The following NDE1 variants were observed in gnomAD, a reference collection of about 807,000 sequenced individuals.
NDE1 encodes nudE neurodevelopment protein 1, also known as nuclear distribution protein nudE homolog 1.
In NDE1, 28 loss-of-function variants were observed where a neutral mutation model predicts 43.4. The ratio of observed to expected loss-of-function variants is 0.65; its 90% confidence interval spans 0.48 to 0.89. NDE1 has a LOEUF of 0.89. Ranked by LOEUF, NDE1 falls within the 40% of genes least tolerant of loss-of-function variation. The probability of loss-of-function intolerance (pLI) is 0.00; values close to 1 mark genes in which losing one functional copy is unlikely to be tolerated. For synonymous variants in NDE1, 184 were observed against 172.0 expected (o/e 1.07, Z -0.55); for missense variants, 441 against 434.1 (o/e 1.02, Z -0.14).
In NDE1 at chr16:15,725,654, T is replaced by C. The variant is rs565162254; in HGVS notation, c.*1403T>C. ...TATATGAGGGCGGCAAAAGCCCTGC[T>C]CTCAACTGCATGTGAGAAAAAAACA... On this transcript the variant is annotated 3_prime_UTR_variant, in exon 9 of 9. Coordinates refer to ENST00000396354, the MANE Select transcript of NDE1 (RefSeq NM_017668.3). 5 of 399,820 alleles carry C rather than the reference T, an allele frequency of 1.3e-5. No homozygotes were observed. The highest frequency in any genetic ancestry group is 1.0e-4 in the African/African-American group (5 of 48,752). The allele number at this position is 399,820 out of a possible 1,614,324, so 24.8% of individuals were successfully genotyped here.
At chr16:15,649,040 A>G (rs886913997), upstream of NDE1, among the ~76,000 whole-genome samples, 21 of 151,850 alleles carry the variant, frequency 1.4e-4, 1 homozygote. Flanking sequence ...TACTAAAAAT[A>G]TAAAAATTAG....
At chr16:15,698,588 G>C (rs1376555248) in intron 8 of NDE1, among the ~76,000 whole-genome samples, 4 of 152,144 alleles carry the variant, frequency 2.6e-5, no homozygotes, top group Non-Finnish European at 4.4e-5. Flanking sequence ...GTGCAGTGAA[G>C]TGGCTCACAC....
intron 8 of NDE1, among the ~76,000 whole-genome samples, chr16:15,708,303 C>T (rs573430826): frequency 3.3e-5 from 5 of 152,174 alleles, no homozygotes; most frequent in African/African-American, 4.8e-5. Flanking sequence ...CCGCAGTTAC[C>T]GTGAACTTTG....
intron 8 of NDE1, among the ~76,000 whole-genome samples, chr16:15,723,795 A>G (rs2040605571): frequency 6.6e-6 from 1 of 152,240 alleles, no homozygotes; most frequent in South Asian, 2.1e-4. Context: ...TGGTATTAAA[A>G]GTATAGAAAC....
intron 3 of NDE1, among the ~76,000 whole-genome samples, chr16:15,670,521 G>A (rs1254453540): frequency 1.3e-5 from 2 of 152,118 alleles, no homozygotes; most frequent in East Asian, 1.9e-4. Flanking sequence ...GCTGGGTGTT[G>A]TTGTATGTGC....
intron 3 of NDE1, among the ~76,000 whole-genome samples, chr16:15,668,009 G>A (rs573190062): frequency 2.0e-5 from 3 of 151,110 alleles, no homozygotes; most frequent in Admixed American, 1.3e-4. Flanking sequence ...CTGTTGCCCA[G>A]ACTGGAGTAC....
At position 15,724,301 on chromosome 16, in the gene NDE1, C is replaced by T. The variant is rs760096354; in HGVS notation, c.*50C>T. ...TTATCATAAGCGGCCGCCTTCTCCT[C>T]GTACTGCTGGGTGAGGTTCTCGATC... On this transcript the variant is annotated 3_prime_UTR_variant, in exon 9 of 9. Coordinates refer to ENST00000396354, the MANE Select transcript of NDE1 (RefSeq NM_017668.3). 6.2e-6 allele frequency: 10 copies of T among 1,614,094 alleles called. No homozygotes were observed. Among genetic ancestry groups the T allele is most frequent in the South Asian group, 2.2e-5 (2 of 91,094 alleles).
At chr16:15,663,677 G>C (rs1256937430) in intron 1 of NDE1, among the ~76,000 whole-genome samples, 1 of 152,128 alleles carries the variant, frequency 6.6e-6, no homozygotes, top group Non-Finnish European at 1.5e-5. Flanking sequence ...ACATATTTCA[G>C]AACACACCAA....
chr16:15,724,784 C>A lies in NDE1; in HGVS notation c.*533C>A. The stretch of plus-strand genomic sequence containing the variant: ...GACACGTTGAGCTTCTGCCGGGTTT[C>A]TTCTTGAAGCAGCTCCTGCAAAAGG... On this transcript the variant is annotated 3_prime_UTR_variant, in exon 9 of 9. Transcript: ENST00000396354. The A allele has an allele frequency of 1.9e-6, 3 of 1,614,000 alleles. No homozygotes were observed. The highest frequency in any genetic ancestry group is 2.5e-6 in the Non-Finnish European group (3 of 1,180,026).
chr16:15,723,905 C>T (rs1189626953), intron 8 of NDE1, among the ~76,000 whole-genome samples: 1 of 152,172 alleles, frequency 6.6e-6, no homozygotes, highest in African/African-American at 2.4e-5. Context: ...AAGGCATCAC[C>T]ATGTGTGCAG....
At chr16:15,672,960 C>T (rs950977702) in intron 3 of NDE1, among the ~76,000 whole-genome samples, 4 of 152,146 alleles carry the variant, frequency 2.6e-5, no homozygotes, top group African/African-American at 9.7e-5. Context: ...CCCTCCTCAT[C>T]CTTCCAACGC....
chr16:15,688,028 T>G (rs1048193374), intron 5 of NDE1, among the ~76,000 whole-genome samples: 3 of 151,970 alleles, frequency 2.0e-5, no homozygotes, highest in Non-Finnish European at 4.4e-5. Flanking sequence ...ATTTAAAGAT[T>G]AGCTGGGTGT....
intron 1 of NDE1, among the ~76,000 whole-genome samples, chr16:15,658,322 A>G (rs554855284): frequency 5.3e-5 from 8 of 152,354 alleles, no homozygotes; most frequent in East Asian, 1.9e-4. Flanking sequence ...CCTTAAGCCA[A>G]TCATTGGCTC....
chr16:15,657,059 G>A (rs2036805198), intron 1 of NDE1, among the ~76,000 whole-genome samples: 3 of 151,942 alleles, frequency 2.0e-5, no homozygotes, highest in African/African-American at 7.2e-5. Flanking sequence ...TCCATACCAT[G>A]GGACTGAGAC....
At chr16:15,690,112 C>T (rs1363952598) in intron 5 of NDE1, among the ~76,000 whole-genome samples, 1 of 151,874 alleles carries the variant, frequency 6.6e-6, no homozygotes, top group East Asian at 1.9e-4. Context: ...GTGATCTCAG[C>T]TCACTGCACT....
rs1487148358 is a variant in NDE1 at position 15,725,152 on chromosome 16, C to A, written c.*901C>A. On this transcript the variant is annotated 3_prime_UTR_variant, in exon 9 of 9. Transcript: ENST00000396354. ...ACTCTGATAAAAAAAAAAAAAAACACACACACACACAAAAAAAACAGAATC... is the reference window on the plus strand; with the variant it reads ...ACTCTGATAAAAAAAAAAAAAAACAAACACACACACAAAAAAAACAGAATC... The A allele has an allele frequency of 4.0e-5, 25 of 632,442 alleles. No individual in the cohort carries two copies. The highest frequency in any genetic ancestry group is 7.8e-5 in the African/African-American group (4 of 51,416). The allele number at this position is 632,442 out of a possible 1,614,324, so 39.2% of individuals were successfully genotyped here.
At chr16:15,703,897 G>T (rs758822191) in intron 8 of NDE1, 1 of 1,530,742 alleles carries the variant, frequency 6.5e-7, no homozygotes. Context: ...AGTCTGCTGG[G>T]TTTTGCTTTG....
upstream of NDE1, among the ~76,000 whole-genome samples, chr16:15,646,214 C>T (rs923661129): frequency 2.0e-5 from 3 of 152,156 alleles, no homozygotes; most frequent in African/African-American, 7.2e-5. Context: ...GTTTGTGCTT[C>T]GGTTTCTCTG....
At chr16:15,699,515 C>T in intron 8 of NDE1, 1 of 1,148,418 alleles carries the variant, frequency 8.7e-7, no homozygotes, top group Non-Finnish European at 1.1e-6. Flanking sequence ...ATGGATTTTT[C>T]TAGTGGGTCT....
Sources: allele counts gnomAD v4.1 joint callset (sites outside exome capture counted in the v4.1 genomes callset), GRCh38; gene constraint gnomAD v4.1.1; transcripts MANE v1.5; gene names NCBI Gene and HGNC (gene_info 2026-07-23, HGNC 2026-07-21).